The following DSCAM variants were observed in gnomAD, a reference collection of about 807,000 sequenced individuals.
DSCAM encodes the protein cell adhesion molecule DSCAM.
In DSCAM, 47 loss-of-function variants were observed where a neutral mutation model predicts 217.7. The observed-to-expected ratio is 0.22, with a 90% CI of 0.17 to 0.28. The LOEUF is 0.28. Ranked by LOEUF, DSCAM falls within the 10% of genes least tolerant of loss-of-function variation. The probability of loss-of-function intolerance (pLI) is 1.00; values close to 1 mark genes in which losing one functional copy is unlikely to be tolerated. For missense variants in DSCAM, 2,080 were observed against 2,618.3 expected (o/e 0.79, Z 4.49); for synonymous variants, 1,056 against 1,015.3 (o/e 1.04, Z -0.76).
At chr21:40,535,749 G>T (rs1404822500) in intron 3 of DSCAM, among the ~76,000 whole-genome samples, 1 of 152,158 alleles carries the variant, frequency 6.6e-6, no homozygotes, top group Admixed American at 6.5e-5. Context: ...AAAGGTTGGT[G>T]GTTGTGAGAC....
intron 3 of DSCAM, among the ~76,000 whole-genome samples, chr21:40,646,089 A>G (rs1025782796): frequency 6.6e-6 from 1 of 152,302 alleles, no homozygotes; most frequent in African/African-American, 2.4e-5. Context: ...GATTGAAAAG[A>G]AAGACACAGG....
intron 1 of DSCAM, among the ~76,000 whole-genome samples, chr21:40,729,140 T>C (rs1220167392): frequency 6.6e-6 from 1 of 152,266 alleles, no homozygotes; most frequent in Admixed American, 6.5e-5. Context: ...TTATGCTAAG[T>C]AATCTAAATA....
chr21:40,309,089 A>G (rs776418520), intron 9 of DSCAM, among the ~76,000 whole-genome samples: 7 of 152,182 alleles, frequency 4.6e-5, no homozygotes, highest in Non-Finnish European at 8.8e-5. Flanking sequence ...GCTGTAAAGT[A>G]TCCAGTCTTA....
chr21:40,706,366 C>G (rs1260478926), intron 2 of DSCAM, among the ~76,000 whole-genome samples: 3 of 152,032 alleles, frequency 2.0e-5, no homozygotes, highest in Non-Finnish European at 4.4e-5. Flanking sequence ...GCCCTTAGAA[C>G]AGGCAAGAAA....
intron 8 of DSCAM, among the ~76,000 whole-genome samples, chr21:40,331,400 C>T (rs2074376821): frequency 1.3e-5 from 2 of 152,176 alleles, no homozygotes. Flanking sequence ...CCCGGCCGCT[C>T]ACCTCGAGTG....
At chr21:40,330,899 C>T (rs953796149) in intron 8 of DSCAM, among the ~76,000 whole-genome samples, 8 of 152,198 alleles carry the variant, frequency 5.3e-5, no homozygotes, top group Non-Finnish European at 8.8e-5. Flanking sequence ...TTCTATTTTT[C>T]CCCAGGTCTA....
At chr21:40,317,936 A>C (rs1329562605) in intron 8 of DSCAM, among the ~76,000 whole-genome samples, 1 of 152,186 alleles carries the variant, frequency 6.6e-6, no homozygotes, top group Non-Finnish European at 1.5e-5. Context: ...TGAAGTCATT[A>C]AGAATGACTT....
chr21:40,615,609 A>C (rs1371934538), intron 3 of DSCAM: 4 of 152,096 alleles, frequency 2.6e-5, no homozygotes, highest in Non-Finnish European at 5.9e-5. Flanking sequence ...TTCCTAAGAG[A>C]TTATGACACA....
intron 32 of DSCAM, among the ~76,000 whole-genome samples, chr21:40,040,294 T>C (rs2088721445): frequency 1.3e-5 from 2 of 152,230 alleles, no homozygotes; most frequent in Admixed American, 1.3e-4. Context: ...GATCTTCCAT[T>C]GCTCTAATGG....
At chr21:40,794,262 TTTAAA>T (rs1463390979) in intron 1 of DSCAM, among the ~76,000 whole-genome samples, 4 of 152,184 alleles carry the variant, frequency 2.6e-5, no homozygotes, top group African/African-American at 9.6e-5. Flanking sequence ...AAGTGATATA[TTTAAA>T]TTATTTATTC....
intron 3 of DSCAM, among the ~76,000 whole-genome samples, chr21:40,663,189 CAT>C (rs1375446527): frequency 4.4e-5 from 6 of 135,128 alleles, no homozygotes; most frequent in South Asian, 2.3e-4. Context: ...GTGTGTATGA[CAT>C]ATGTGCATGT....
chr21:40,429,423 C>A (rs754514800), intron 3 of DSCAM, among the ~76,000 whole-genome samples: 1 of 151,926 alleles, frequency 6.6e-6, no homozygotes, highest in Non-Finnish European at 1.5e-5. Context: ...TGCACCACCA[C>A]GCCTGGCTAA....
chr21:40,624,434 AAG>A (rs1223282629), intron 3 of DSCAM, among the ~76,000 whole-genome samples: 1 of 152,202 alleles, frequency 6.6e-6, no homozygotes, highest in Non-Finnish European at 1.5e-5. Flanking sequence ...AAAAAAGAGT[AAG>A]ACTTTCCATG....
At chr21:40,026,967 A>G (rs556421575) in intron 32 of DSCAM, among the ~76,000 whole-genome samples, 298 of 152,354 alleles carry the variant, frequency 2.0e-3, no homozygotes, top group Non-Finnish European at 3.5e-3. Context: ...GTTTCTTCCT[A>G]GTCTTGATGG....
At chr21:40,637,175 AT>A (rs2089777639) in intron 3 of DSCAM, among the ~76,000 whole-genome samples, 1 of 32,298 alleles carries the variant, frequency 3.1e-5, no homozygotes, top group Non-Finnish European at 5.1e-5. Context: ...AAATATATAT[AT>A]AAATATATAT....
intron 1 of DSCAM, among the ~76,000 whole-genome samples, chr21:40,835,255 G>A (rs2092047312): frequency 6.6e-6 from 1 of 152,164 alleles, no homozygotes; most frequent in African/African-American, 2.4e-5. Flanking sequence ...AGAAAGATGG[G>A]AAAAGATTGA....
chr21:40,124,510 C>CACTGTAATTGGAGGTAGGGTCTTT (rs1335815811), intron 19 of DSCAM, among the ~76,000 whole-genome samples, 182 bp from the exon 20 acceptor site: 1 of 152,124 alleles, frequency 6.6e-6, no homozygotes. Flanking sequence ...CACAGAATGA[C>CACTGTAATTGGAGGTAGGGTCTTT]ACTGTAATTG....
intron 15 of DSCAM, among the ~76,000 whole-genome samples, chr21:40,178,501 G>A (rs543716845): frequency 5.3e-5 from 8 of 152,120 alleles, no homozygotes; most frequent in Admixed American, 6.5e-5. Context: ...CACATCTCCC[G>A]CACAGTAAGC....
intron 3 of DSCAM, among the ~76,000 whole-genome samples, chr21:40,576,050 G>A (rs1364743864): frequency 6.6e-6 from 1 of 151,914 alleles, no homozygotes; most frequent in Non-Finnish European, 1.5e-5. Flanking sequence ...GAGTTTAAGT[G>A]GTACCTTTTA....
Sources: gnomAD v4.1 joint callset for allele counts (sites outside exome capture counted in the v4.1 genomes callset) on GRCh38, gnomAD v4.1.1 for gene constraint, MANE v1.5 for transcripts, NCBI Gene and HGNC (gene_info 2026-07-23, HGNC 2026-07-21) for gene names.